SLC35F4: variants seen among roughly 807,000 people sequenced by gnomAD.
SLC35F4 encodes the protein solute carrier family 35 member F4, also known as chromosome 14 open reading frame 36.
In SLC35F4, 24 loss-of-function variants were observed where a neutral mutation model predicts 44.2. That is an observed-to-expected ratio of 0.54 (90% CI 0.39 to 0.76). The LOEUF is 0.76. Among genes scored for constraint, SLC35F4 ranks in the 30% least tolerant of loss-of-function variants. The pLI is 0.00. For missense variants in SLC35F4, 562 were observed against 586.1 expected (o/e 0.96, Z 0.42); for synonymous variants, 238 against 223.6 (o/e 1.06, Z -0.57).
At chr14:57,675,770 A>G (rs1182610051) in intron 1 of SLC35F4, among the ~76,000 whole-genome samples, 1 of 152,068 alleles carries the variant, frequency 6.6e-6, no homozygotes, top group East Asian at 1.9e-4. Flanking sequence ...TATTGAGATG[A>G]TCATATGGTT....
intron 1 of SLC35F4, among the ~76,000 whole-genome samples, chr14:57,605,267 C>T (rs1159553751): frequency 6.6e-6 from 1 of 151,870 alleles, no homozygotes; most frequent in Non-Finnish European, 1.5e-5. Flanking sequence ...AAGAAAAAAG[C>T]AAATAACCTC....
chr14:57,736,255 C>A (rs1594919063), intron 1 of SLC35F4, among the ~76,000 whole-genome samples: 1 of 152,174 alleles, frequency 6.6e-6, no homozygotes, highest in Non-Finnish European at 1.5e-5. Context: ...TGCAGCATGT[C>A]TCTCAGTGTT....
chr14:57,770,277 G>A (rs1158702835), intron 1 of SLC35F4, among the ~76,000 whole-genome samples: 1 of 152,244 alleles, frequency 6.6e-6, no homozygotes, highest in Non-Finnish European at 1.5e-5. Context: ...GTGCCAGGTT[G>A]AGGGTTACTA....
rs570502164 is a variant in SLC35F4 at position 57,908,024 on chromosome 14, T to A, written n.282+73889A>T. Among the ~76,000 whole-genome samples, 25 of 152,194 alleles carry A rather than the reference T, an allele frequency of 1.6e-4. No homozygotes were observed. The East Asian group carries it at 4.4e-3, about 27-fold the overall frequency. ...GTTCTCATTGTTCAACTTCCACTTGTAAGTGAGAAAATGAGGTGTTTGGTT... is the reference window on the plus strand; with the variant it reads ...GTTCTCATTGTTCAACTTCCACTTGAAAGTGAGAAAATGAGGTGTTTGGTT... On this transcript the variant is annotated intron_variant and non_coding_transcript_variant, in intron 1 of 1. Transcript: ENST00000556568.
At chr14:57,931,173 T>A (rs1416042621) in intron 1 of SLC35F4, among the ~76,000 whole-genome samples, 1 of 152,178 alleles carries the variant, frequency 6.6e-6, no homozygotes, top group Admixed American at 6.5e-5. Context: ...AGAATTCAGG[T>A]CTCTGTGACT....
chr14:57,941,409 T>C (rs76142663), intron 1 of SLC35F4, among the ~76,000 whole-genome samples: 14,474 of 152,198 alleles, frequency 0.095, 769 homozygotes, highest in Middle Eastern at 0.18. Context: ...CTTGAAAACA[T>C]TGTCCTAAGT....
intron 1 of SLC35F4, among the ~76,000 whole-genome samples, chr14:57,882,854 C>T (rs1595266447): frequency 6.6e-6 from 1 of 152,294 alleles, no homozygotes; most frequent in East Asian, 1.9e-4. Flanking sequence ...TACTGCAGCT[C>T]AACCCATGAA....
intron 1 of SLC35F4, among the ~76,000 whole-genome samples, chr14:57,638,430 A>G (rs993020808): frequency 6.6e-6 from 1 of 152,016 alleles, no homozygotes; most frequent in African/African-American, 2.4e-5. Context: ...CACACGTGTT[A>G]GGGGCCCCTT....
At chr14:57,942,173 G>A (rs541661441) in intron 1 of SLC35F4, among the ~76,000 whole-genome samples, 5 of 152,224 alleles carry the variant, frequency 3.3e-5, no homozygotes, top group South Asian at 4.1e-4. Flanking sequence ...TTTCCTTGCC[G>A]CAAAGCTTTC....
At chr14:57,568,573 C>T (rs1160956582) in intron 6 of SLC35F4, among the ~76,000 whole-genome samples, 1 of 152,144 alleles carries the variant, frequency 6.6e-6, no homozygotes, top group African/African-American at 2.4e-5. Context: ...AAGGGACCAA[C>T]AATTAATGTT....
chr14:57,891,652 C>T (rs556162059), intron 1 of SLC35F4, among the ~76,000 whole-genome samples: 71 of 152,184 alleles, frequency 4.7e-4, no homozygotes, highest in African/African-American at 1.7e-3. Context: ...CCAAGGCAGG[C>T]ATATCACGAG....
intron 2 of SLC35F4, among the ~76,000 whole-genome samples, chr14:57,593,383 C>T (rs989404031): frequency 1.3e-5 from 2 of 152,092 alleles, no homozygotes; most frequent in African/African-American, 4.8e-5. Flanking sequence ...AGTCAGTAAC[C>T]CAGGAGTTGG....
intron 1 of SLC35F4, among the ~76,000 whole-genome samples, chr14:57,827,125 T>C (rs982640414): frequency 1.3e-5 from 2 of 152,068 alleles, no homozygotes; most frequent in African/African-American, 2.4e-5. Context: ...CCATCAATAA[T>C]AGACTGGATA....
At chr14:57,856,252 A>G (rs1205198160) in intron 1 of SLC35F4, among the ~76,000 whole-genome samples, 1 of 152,012 alleles carries the variant, frequency 6.6e-6, no homozygotes, top group Non-Finnish European at 1.5e-5. Context: ...GCAAACCACC[A>G]TGGCACATGT....
chr14:57,970,711 G>C (rs1881027667), intron 1 of SLC35F4, among the ~76,000 whole-genome samples: 1 of 152,290 alleles, frequency 6.6e-6, no homozygotes, highest in South Asian at 2.1e-4. Context: ...CAGACCTTGG[G>C]AGTTGGCTCT....
chr14:57,589,118 C>A (rs1421807508), intron 3 of SLC35F4, 98 bp downstream of exon 3: 2 of 1,328,586 alleles, frequency 1.5e-6, no homozygotes, highest in Non-Finnish European at 2.1e-6. Flanking sequence ...CTTCACATAC[C>A]CCAAAAAACT....
At chr14:57,798,148 A>AAAAATT (rs2078100954) in intron 1 of SLC35F4, among the ~76,000 whole-genome samples, 2 of 143,744 alleles carry the variant, frequency 1.4e-5, no homozygotes, top group African/African-American at 2.7e-5. Context: ...AAAAAAAAAA[A>AAAAATT]TTGTGATAGA....
intron 1 of SLC35F4, among the ~76,000 whole-genome samples, chr14:57,655,612 A>G (rs1266173792): frequency 1.3e-5 from 2 of 152,080 alleles, no homozygotes; most frequent in Non-Finnish European, 2.9e-5. Context: ...ACCACCCAGC[A>G]CTGCAGCTCC....
chr14:57,590,562 C>T (rs559577152), intron 2 of SLC35F4, among the ~76,000 whole-genome samples: 72 of 152,284 alleles, frequency 4.7e-4, no homozygotes, highest in African/African-American at 1.6e-3. Context: ...TTTTACAGCA[C>T]ACTAAAATAG....
Sources: allele counts gnomAD v4.1 joint callset (sites outside exome capture counted in the v4.1 genomes callset), GRCh38; gene constraint gnomAD v4.1.1; transcripts MANE v1.5; gene names NCBI Gene and HGNC (gene_info 2026-07-23, HGNC 2026-07-21).